Variants in FOXK1 observed in about 807,000 individuals in gnomAD.
FOXK1 encodes forkhead box protein K1.
Under a neutral mutation model 51.9 loss-of-function variants are expected in FOXK1, and 19 were observed. That is an observed-to-expected ratio of 0.37 (90% confidence interval 0.26 to 0.54). The LOEUF (loss-of-function observed/expected upper bound fraction) is 0.54, where lower values mean the gene tolerates loss of function less well. FOXK1 is among the 20% of genes least tolerant of loss of function. The probability of loss-of-function intolerance (pLI) is 0.87; values close to 1 mark genes in which losing one functional copy is unlikely to be tolerated. For synonymous variants in FOXK1, 537 were observed against 482.6 expected (o/e 1.11, Z -1.48); for missense variants, 870 against 1,032.7 (o/e 0.84, Z 2.16).
chr7:4,701,554 G>C (rs972128425), intron 1 of FOXK1, among the ~76,000 whole-genome samples: 1 of 152,124 alleles, frequency 6.6e-6, no homozygotes, highest in Non-Finnish European at 1.5e-5. Context: ...TCAGGAGTTC[G>C]GGACCAGTCT....
intron 1 of FOXK1, among the ~76,000 whole-genome samples, chr7:4,721,156 G>A (rs1780304265): frequency 6.6e-6 from 1 of 152,186 alleles, no homozygotes; most frequent in South Asian, 2.1e-4. Context: ...CTGTGCATCA[G>A]GGCCCTGGAG....
chr7:4,737,576 A>G lies in FOXK1; in HGVS notation c.561-3262A>G, dbSNP rs13229647. Among the ~76,000 whole-genome samples the G allele has an allele frequency of 4.1e-3, 468 of 113,724 alleles. 1 individual carries two copies. Among genetic ancestry groups the G allele is most frequent in the Non-Finnish European group, 4.5e-3 (248 of 55,548 alleles). The allele number at this position is 113,724 out of a possible 152,430, so 74.6% of individuals were successfully genotyped here. A position where few individuals can be genotyped will look rare whatever the true frequency, so the allele number is the denominator to read the frequency against. ...CCTGTGTGTGTGTGTGTGTGTGTGC[A>G]TGCATGTGTTGATACAGACATGGAC... On this transcript the variant is annotated intron_variant, in intron 1 of 8. Transcript: ENST00000328914.
chr7:4,713,710 T>C (rs1262950250), intron 1 of FOXK1, among the ~76,000 whole-genome samples: 1 of 152,120 alleles, frequency 6.6e-6, no homozygotes, highest in Non-Finnish European at 1.5e-5. Flanking sequence ...CAGGCTGGTC[T>C]CCGACTCCTG....
At chr7:4,695,734 C>T (rs985040217) in intron 1 of FOXK1, among the ~76,000 whole-genome samples, 13 of 152,052 alleles carry the variant, frequency 8.5e-5, no homozygotes, top group African/African-American at 2.2e-4. Context: ...GTCGGGAGTT[C>T]GAGACCAGCC....
chr7:4,691,850 T>C (rs904596549), intron 1 of FOXK1, among the ~76,000 whole-genome samples: 3 of 152,186 alleles, frequency 2.0e-5, no homozygotes, highest in Non-Finnish European at 4.4e-5. Flanking sequence ...ATTATGAAGC[T>C]GTCCTCTAAC....
intron 1 of FOXK1, among the ~76,000 whole-genome samples, chr7:4,684,571 C>G (rs977877288): frequency 6.6e-6 from 1 of 152,158 alleles, no homozygotes; most frequent in Admixed American, 6.5e-5. Flanking sequence ...TGTTCTCTCT[C>G]TTCCATAACC....
intron 1 of FOXK1, among the ~76,000 whole-genome samples, chr7:4,687,647 A>C (rs887523601): frequency 1.3e-5 from 2 of 152,210 alleles, no homozygotes; most frequent in African/African-American, 2.4e-5. Context: ...CCAATTCAAA[A>C]TTCAAAAAAT....
chr7:4,750,406 G>C (rs1392594119), intron 2 of FOXK1, among the ~76,000 whole-genome samples: 2 of 152,096 alleles, frequency 1.3e-5, no homozygotes, highest in Non-Finnish European at 2.9e-5. Context: ...CATTCCCGCA[G>C]GAGGAAATGT....
At chr7:4,754,865 C>T in intron 3 of FOXK1, 1 of 597,340 alleles carries the variant, frequency 1.7e-6, no homozygotes, top group East Asian at 2.9e-5. Flanking sequence ...CCGCCACGCT[C>T]CTTGTTCATC....
Position 4,751,190 on chromosome 7 carries a change from A to AT in FOXK1, c.747-3259dup, listed in dbSNP as rs573269772. 1.9e-3 allele frequency among the ~76,000 whole-genome samples: 273 copies of AT among 143,160 alleles called. 2 individuals are homozygous for AT. The South Asian group carries it at 0.02, about 10-fold the overall frequency. 93.9% of individuals were successfully genotyped at this position (143,160 alleles called of 152,430 possible). A position where few individuals can be genotyped will look rare whatever the true frequency, so the allele number is the denominator to read the frequency against. ...CCACCATGCCCGGCTAATTTTTTGTATTTTTTTTTTAGTAGAGACGGGGTT... is the reference window on the plus strand; with the variant it reads ...CCACCATGCCCGGCTAATTTTTTGTATTTTTTTTTTTAGTAGAGACGGGGTT... On this transcript the variant is annotated intron_variant, in intron 2 of 8. Transcript: ENST00000328914.
At chr7:4,696,618 T>C (rs1779955517) in intron 1 of FOXK1, among the ~76,000 whole-genome samples, 1 of 152,190 alleles carries the variant, frequency 6.6e-6, no homozygotes. Flanking sequence ...GCTGGTTCTT[T>C]CGGGAGGCAT....
intron 1 of FOXK1, among the ~76,000 whole-genome samples, chr7:4,720,986 G>A (rs573617846): frequency 1.3e-5 from 2 of 151,652 alleles, no homozygotes; most frequent in South Asian, 2.1e-4. Flanking sequence ...TATGTGATCC[G>A]CCCACCTCGG....
Position 4,755,770 on chromosome 7 carries a change from T to C in FOXK1, c.1050+387T>C, listed in dbSNP as rs963165255. ...ATATCTTTTTAACTAAGAAGATAAA[T>C]ATAAAAGAGGGATGTTTTCACGAAT... On this transcript the variant is annotated intron_variant, in intron 4 of 8. Transcript: ENST00000328914. This position sits in a 1 kb window ranked among gnomAD's most constrained non-coding sequence, Gnocchi z 6.6. Among the ~76,000 whole-genome samples the C allele has an allele frequency of 5.9e-5, 9 of 152,184 alleles. No homozygotes were observed. The highest frequency in any genetic ancestry group is 1.3e-4 in the Non-Finnish European group (9 of 68,028).
chr7:4,716,458 A>T (rs778893444), intron 1 of FOXK1, among the ~76,000 whole-genome samples: 50 of 152,262 alleles, frequency 3.3e-4, no homozygotes, highest in Non-Finnish European at 1.2e-4. Flanking sequence ...GTAAGCTATG[A>T]TGGCACCACT....
rs914351015 is a variant in FOXK1 at position 4,707,147 on chromosome 7, C to T, written c.560+24279C>T. On this transcript the variant is annotated intron_variant, in intron 1 of 8. Transcript: ENST00000328914. The surrounding 1 kb of genome is among the most constrained non-coding windows in gnomAD (Gnocchi z 4.1). ...CCCCTCCGGGTTTCCCATGATGTTA[C>T]GTTGCCCTCTTTGTTACCACCCCTG... 6.6e-6 allele frequency among the ~76,000 whole-genome samples: 1 copy of T among 152,192 alleles called. No individual in the cohort carries two copies. Among genetic ancestry groups the T allele is most frequent in the South Asian group, 2.1e-4 (1 of 4,832 alleles).
intron 1 of FOXK1, among the ~76,000 whole-genome samples, chr7:4,725,275 T>C (rs1354772949): frequency 2.0e-5 from 3 of 152,188 alleles, no homozygotes; most frequent in African/African-American, 7.2e-5. Flanking sequence ...GAACGCCCCT[T>C]GGAGCACCGA....
Position 4,757,046 on chromosome 7 carries a change from G to A in FOXK1, c.1103G>A (p.Arg368His). 1 of 1,613,932 alleles carries A rather than the reference G, an allele frequency of 6.2e-7. No homozygotes were observed. The highest frequency in any genetic ancestry group is 8.5e-7 in the Non-Finnish European group (1 of 1,179,986). ...AACCGTTACTTTATCAAAGTCCCAC[G>A]TTCCCAGGAGGAGCCTGGGAAGGGG... ...SLNRYFIKVP[R>H]SQEEPGKGSF... Residue 368 changes from arginine (R) to histidine (H), a missense_variant, in exon 5 of 9, where the codon CGT becomes CAT. Physicochemically the swap from Arg to His is conservative, Grantham distance 29. Around this residue, in one of 3 missense-constraint regions of FOXK1, gnomAD observed 14 missense variants for 46.3 expected, o/e 0.30. Transcript: ENST00000328914.
In FOXK1 at chr7:4,766,668, T is replaced by C. The variant is rs1781014893; in HGVS notation, c.*4204T>C. 1 of 152,250 alleles carries C rather than the reference T, an allele frequency of 6.6e-6. No individual in the cohort carries two copies. Among genetic ancestry groups the C allele is most frequent in the Non-Finnish European group, 1.5e-5 (1 of 68,106 alleles). The allele number at this position is 152,250 out of a possible 1,614,324, so 9.4% of individuals were successfully genotyped here. A position where few individuals can be genotyped will look rare whatever the true frequency, so the allele number is the denominator to read the frequency against. ...AGGACGGGGGCTTCACCCTGCCCCC[T>C]CCAGACTGCCGAAGCCCCCAAGAAG... On this transcript the variant is annotated 3_prime_UTR_variant, in exon 9 of 9. Transcript: ENST00000328914. This position sits in a 1 kb window ranked among gnomAD's most constrained non-coding sequence, Gnocchi z 5.5.
At chr7:4,724,329 G>A (rs6975499) in intron 1 of FOXK1, among the ~76,000 whole-genome samples, 104,157 of 152,020 alleles carry the variant, frequency 0.69, 37,373 homozygotes, top group East Asian at 0.85. Flanking sequence ...TCGGGTAGCT[G>A]GGATTACAGG....
Sources: gnomAD v4.1 joint callset for allele counts (sites outside exome capture counted in the v4.1 genomes callset) on GRCh38, gnomAD v4.1.1 for gene constraint, gnomAD v4.1.1 regional missense constraint, Gnocchi (gnomAD v3.1) non-coding constraint, MANE v1.5 for transcripts, NCBI Gene and HGNC (gene_info 2026-07-23, HGNC 2026-07-21) for gene names.